The following LRRC4C variants were observed in gnomAD, a reference collection of about 807,000 sequenced individuals.
LRRC4C encodes the protein leucine rich repeat containing 4C, also known as leucine-rich repeat-containing protein 4C.
A neutral mutation model predicts 33.6 loss-of-function variants in LRRC4C; 5 were observed. The observed-to-expected ratio is 0.15, with a 90% confidence interval of 0.08 to 0.31. The LOEUF is 0.31. Ranked by LOEUF, LRRC4C falls within the 10% of genes least tolerant of loss-of-function variation. The pLI is 1.00. For missense variants in LRRC4C, 560 were observed against 796.7 expected (o/e 0.70, Z 3.58); for synonymous variants, 329 against 302.0 (o/e 1.09, Z -0.93).
At chr11:40,962,646 T>C (rs556800317) in intron 1 of LRRC4C, among the ~76,000 whole-genome samples, 1 of 151,740 alleles carries the variant, frequency 6.6e-6, no homozygotes, top group East Asian at 1.9e-4. Flanking sequence ...ACTAGAAAAG[T>C]AAAAGAAATT....
intron 1 of LRRC4C, among the ~76,000 whole-genome samples, chr11:40,999,854 T>G (rs1485945539): frequency 6.6e-6 from 1 of 152,022 alleles, no homozygotes; most frequent in Non-Finnish European, 1.5e-5. Context: ...GGAAAAGAGG[T>G]AACATTGGAC....
intron 5 of LRRC4C, among the ~76,000 whole-genome samples, chr11:40,148,345 G>A (rs1170193163): frequency 6.6e-6 from 1 of 152,112 alleles, no homozygotes; most frequent in Non-Finnish European, 1.5e-5. Context: ...ACTGACATCT[G>A]TCATTTTTTG....
intron 1 of LRRC4C, among the ~76,000 whole-genome samples, chr11:41,046,595 T>C (rs1424175964): frequency 1.3e-5 from 2 of 152,326 alleles, no homozygotes; most frequent in Non-Finnish European, 2.9e-5. Context: ...CCTCGCTTAC[T>C]GTTATTTCTA....
intron 1 of LRRC4C, among the ~76,000 whole-genome samples, chr11:41,281,100 T>A (rs991168234): frequency 9.7e-5 from 11 of 113,582 alleles, no homozygotes; most frequent in East Asian, 7.7e-4. Flanking sequence ...TCTCTCTCTC[T>A]CTCTCACACA....
At chr11:41,180,301 C>T (rs751064727) in intron 1 of LRRC4C, among the ~76,000 whole-genome samples, 22 of 152,128 alleles carry the variant, frequency 1.4e-4, no homozygotes, top group Non-Finnish European at 2.8e-4. Flanking sequence ...ATCCAACCTG[C>T]CACCAGGTTA....
At chr11:41,412,849 C>T (rs990892505) in intron 1 of LRRC4C, among the ~76,000 whole-genome samples, 2 of 152,106 alleles carry the variant, frequency 1.3e-5, no homozygotes, top group Admixed American at 1.3e-4. Context: ...AATGAACTCT[C>T]AAAGAGACAT....
At chr11:40,541,441 T>C in intron 3 of LRRC4C, among the ~76,000 whole-genome samples, 1 of 152,110 alleles carries the variant, frequency 6.6e-6, no homozygotes, top group South Asian at 2.1e-4. Flanking sequence ...TAAAAGATGG[T>C]AAAAGCCATC....
chr11:41,371,279 C>T (rs567253530), intron 1 of LRRC4C, among the ~76,000 whole-genome samples: 139 of 152,256 alleles, frequency 9.1e-4, no homozygotes, highest in African/African-American at 3.3e-3. Flanking sequence ...TGGAAACTCC[C>T]GCTTAGACCG....
At chr11:40,371,905 G>GT (rs1367237628) in intron 3 of LRRC4C, among the ~76,000 whole-genome samples, 1 of 152,126 alleles carries the variant, frequency 6.6e-6, no homozygotes, top group African/African-American at 2.4e-5. Context: ...AAACAATTAG[G>GT]TATGTAGGTA....
intron 1 of LRRC4C, among the ~76,000 whole-genome samples, chr11:41,235,152 G>A (rs967414228): frequency 6.6e-6 from 1 of 151,966 alleles, no homozygotes; most frequent in Non-Finnish European, 1.5e-5. Context: ...TCAGTGAATG[G>A]GGTAGGTGGG....
chr11:40,115,307 C>T lies in LRRC4C; in HGVS notation c.986G>A (p.Arg329Gln). The T allele has an allele frequency of 3.7e-6, 6 of 1,614,074 alleles. No individual in the cohort carries two copies. The highest frequency in any genetic ancestry group is 3.3e-5 in the South Asian group (3 of 91,080). Residue 329 changes from arginine (R) to glutamine (Q), a missense_variant, in exon 7 of 7, where the codon CGG (arginine) becomes CAG (glutamine). This residue lies in a region of LRRC4C where 455 missense variants were observed against 643.8 expected (regional missense o/e 0.71). Transcript: ENST00000528697. This position sits in a 1 kb window ranked among gnomAD's most constrained non-coding sequence, Gnocchi z 6.7. ...MAPSNTACCA[R>Q]CNTPPNLKGR... is the part of the protein sequence containing the mutation. The stretch of plus-strand genomic sequence containing the variant: ...CTTTAGATTGGGAGGAGTGTTACAC[C>T]GGGCACAACAAGCTGTGTTCGAGGG...
chr11:40,885,820 C>A (rs1033510143), intron 2 of LRRC4C, among the ~76,000 whole-genome samples: 1 of 152,070 alleles, frequency 6.6e-6, no homozygotes, highest in Admixed American at 6.6e-5. Context: ...GTACCAGGTG[C>A]CATGTTAAAT....
In LRRC4C at chr11:40,360,372, A is replaced by G. The variant is rs1590439025; in HGVS notation, c.-269-40651T>C. 2.6e-5 allele frequency among the ~76,000 whole-genome samples: 4 copies of G among 152,168 alleles called. No individual in the cohort carries two copies. In the South Asian group the frequency reaches 8.3e-4, roughly 31 times the overall value. On this transcript the variant is annotated intron_variant, in intron 3 of 6. Coordinates refer to ENST00000528697, the MANE Select transcript of LRRC4C (RefSeq NM_001258419.2). ...AGATTTCTCTGCCAATCATTACATG[A>G]GTACTGATTACACAAGAGGTCCGGG...
intron 4 of LRRC4C, among the ~76,000 whole-genome samples, chr11:40,251,095 C>A (rs1866753693): frequency 6.6e-6 from 1 of 152,142 alleles, no homozygotes; most frequent in South Asian, 2.1e-4. Flanking sequence ...AATGCATAAA[C>A]AAGACCAGAC....
At chr11:40,695,595 G>C (rs1354526411) in intron 2 of LRRC4C, among the ~76,000 whole-genome samples, 1 of 152,070 alleles carries the variant, frequency 6.6e-6, no homozygotes, top group African/African-American at 2.4e-5. Flanking sequence ...GGTCTCAAGG[G>C]GGCTAAAGTC....
rs541813361 is a variant in LRRC4C, at chr11:40,984,937, T to C, written c.-495-51214A>G. 5.6e-5 allele frequency among the ~76,000 whole-genome samples: 7 copies of C among 125,196 alleles called. No homozygotes were observed. In the South Asian group the frequency reaches 1.7e-3, roughly 31 times the overall value. 82.1% of individuals were successfully genotyped at this position (125,196 alleles called of 152,430 possible). On this transcript the variant is annotated intron_variant, in intron 1 of 6. Transcript: ENST00000528697. ...TTTTTTTTGAGACGCAATCTCGCTC[T>C]GTCACTCAGGCTGGAGTGCAGTGGT...
chr11:41,440,835 C>T (rs934028236), intron 1 of LRRC4C, among the ~76,000 whole-genome samples: 2 of 152,176 alleles, frequency 1.3e-5, no homozygotes, highest in African/African-American at 4.8e-5. Context: ...ATTGTCCTTG[C>T]TTCCCTTTTG....
chr11:40,240,395 G>A lies in LRRC4C; in HGVS notation c.-96+1124C>T, dbSNP rs192607724. 2.0e-5 allele frequency among the ~76,000 whole-genome samples: 3 copies of A among 152,128 alleles called. No individual in the cohort carries two copies. The East Asian group carries it at 5.8e-4, about 29-fold the overall frequency. ...TGGTTTGAAGACGCAGACAGCTTCC[G>A]TCTATAGTCAACCAACACTCCAACC... On this transcript the variant is annotated intron_variant, in intron 5 of 6. Transcript: ENST00000528697.
chr11:41,266,016 G>A (rs1591105549), intron 1 of LRRC4C, among the ~76,000 whole-genome samples: 1 of 151,882 alleles, frequency 6.6e-6, no homozygotes, highest in Non-Finnish European at 1.5e-5. Context: ...ATGGTAGCTG[G>A]GAGATAAAGA....
Sources: gnomAD v4.1 joint callset for allele counts (sites outside exome capture counted in the v4.1 genomes callset) on GRCh38, gnomAD v4.1.1 for gene constraint, gnomAD v4.1.1 regional missense constraint, Gnocchi (gnomAD v3.1) non-coding constraint, MANE v1.5 for transcripts, NCBI Gene and HGNC (gene_info 2026-07-23, HGNC 2026-07-21) for gene names.